EHBP1: variants seen among roughly 807,000 people sequenced by gnomAD.
EHBP1 encodes EH domain-binding protein 1.
In EHBP1, 55 loss-of-function variants were observed where a neutral mutation model predicts 144.0. The ratio of observed to expected loss-of-function variants is 0.38; its 90% CI spans 0.31 to 0.48. The LOEUF is 0.48. Among genes scored for constraint, EHBP1 ranks in the 20% least tolerant of loss-of-function variants. The probability of loss-of-function intolerance (pLI) is 0.98; values close to 1 mark genes in which losing one functional copy is unlikely to be tolerated. For synonymous variants in EHBP1, 469 were observed against 472.7 expected (o/e 0.99, Z 0.10); for missense variants, 1,200 against 1,364.2 (o/e 0.88, Z 1.90).
chr2:62,796,053 T>G (rs2043515578), intron 5 of EHBP1, among the ~76,000 whole-genome samples: 1 of 151,784 alleles, frequency 6.6e-6, no homozygotes, highest in Non-Finnish European at 1.5e-5. Flanking sequence ...CTAATAAACC[T>G]CTTTAATATA....
rs2055018383 is a variant in EHBP1 at position 62,920,825 on chromosome 2, G to A, written c.1186-21893G>A. ...TTACAGGCATATACCACCATGCCTG[G>A]CTAATTTTTGTGGGGTTTTTTTAAG... On this transcript the variant is annotated intron_variant, in intron 10 of 22. Transcript: ENST00000431489. Among the ~76,000 whole-genome samples the A allele has an allele frequency of 2.0e-5, 3 of 151,962 alleles. No individual in the cohort carries two copies. The South Asian group carries it at 6.2e-4, about 32-fold the overall frequency.
At chr2:62,684,027 T>C (rs186995050) in intron 1 of EHBP1, among the ~76,000 whole-genome samples, 106 of 152,238 alleles carry the variant, frequency 7.0e-4, no homozygotes, top group Admixed American at 1.3e-3. Flanking sequence ...GTTCTCAGAG[T>C]GGCCTGATCA....
chr2:62,714,295 G>A (rs974557030), intron 2 of EHBP1, among the ~76,000 whole-genome samples: 2 of 152,164 alleles, frequency 1.3e-5, no homozygotes, highest in Non-Finnish European at 2.9e-5. Flanking sequence ...TGCAGCTAGT[G>A]TTTAGGGAAT....
At chr2:62,994,492 G>A (rs897773530) in intron 18 of EHBP1, among the ~76,000 whole-genome samples, 1 of 152,056 alleles carries the variant, frequency 6.6e-6, no homozygotes, top group African/African-American at 2.4e-5. Flanking sequence ...AGCTCAGTAG[G>A]GGTATGGGCT....
intron 4 of EHBP1, among the ~76,000 whole-genome samples, chr2:62,768,330 G>C (rs894873985): frequency 6.6e-6 from 1 of 151,984 alleles, no homozygotes; most frequent in African/African-American, 2.4e-5. Flanking sequence ...ATGATGAAGA[G>C]GCTGTTACCA....
chr2:62,993,024 A>C (rs528172235), intron 16 of EHBP1, among the ~76,000 whole-genome samples: 5 of 152,284 alleles, frequency 3.3e-5, no homozygotes, highest in African/African-American at 1.2e-4. Flanking sequence ...TAACATAGGA[A>C]GCTCCGGAAA....
intron 8 of EHBP1, among the ~76,000 whole-genome samples, chr2:62,860,085 C>G (rs955669281): frequency 2.6e-5 from 4 of 152,124 alleles, no homozygotes; most frequent in Non-Finnish European, 5.9e-5. Context: ...TCTCCTCTTC[C>G]TTTACCTTCT....
intron 5 of EHBP1, among the ~76,000 whole-genome samples, chr2:62,817,101 A>C (rs576347848): frequency 1.5e-3 from 229 of 152,360 alleles, no homozygotes; most frequent in Non-Finnish European, 2.9e-3. Context: ...ATTACACTTC[A>C]TTCACTTAAG....
chr2:62,803,310 G>A (rs932630540), intron 5 of EHBP1, among the ~76,000 whole-genome samples: 3 of 151,838 alleles, frequency 2.0e-5, no homozygotes, highest in Admixed American at 2.0e-4. Context: ...GAATGGAACT[G>A]TTCAGTCAAA....
intron 5 of EHBP1, among the ~76,000 whole-genome samples, chr2:62,795,670 T>G (rs1028114071): frequency 6.6e-6 from 1 of 152,104 alleles, no homozygotes; most frequent in Admixed American, 6.6e-5. Context: ...TGTATTAAAA[T>G]TGAATAAATC....
intron 19 of EHBP1, among the ~76,000 whole-genome samples, chr2:63,002,224 C>A (rs1437278794): frequency 6.6e-6 from 1 of 152,036 alleles, no homozygotes; most frequent in Non-Finnish European, 1.5e-5. Flanking sequence ...CTTAGGAATA[C>A]CCGAAAATGT....
At chr2:63,033,419 G>A (rs1262709412) in intron 19 of EHBP1, among the ~76,000 whole-genome samples, 1 of 152,082 alleles carries the variant, frequency 6.6e-6, no homozygotes, top group Admixed American at 6.6e-5. Flanking sequence ...ATGATTTCAT[G>A]GTAGAAAATC....
rs369890917 is a variant in EHBP1, at chr2:62,803,724, C to G, written c.313-22363C>G. 5.0e-4 allele frequency among the ~76,000 whole-genome samples: 76 copies of G among 152,162 alleles called. 1 individual carries two copies. The highest frequency in any genetic ancestry group is 1.6e-3 in the African/African-American group (66 of 41,500). ...TTATATATCTTGCAGATATTTTCAC[C>G]CTGTCATTTTTTCAGCATTGCAAAT... On this transcript the variant is annotated intron_variant, in intron 5 of 22. Coordinates refer to ENST00000431489, the MANE Select transcript of EHBP1 (RefSeq NM_001142616.3).
intron 19 of EHBP1, among the ~76,000 whole-genome samples, chr2:63,005,424 C>T (rs1174363386): frequency 6.6e-6 from 1 of 152,060 alleles, no homozygotes; most frequent in Non-Finnish European, 1.5e-5. Context: ...GAAGTGTTAC[C>T]TTCCTGCCTG....
At chr2:62,788,894 A>G (rs1406285780) in intron 5 of EHBP1, among the ~76,000 whole-genome samples, 2 of 152,246 alleles carry the variant, frequency 1.3e-5, no homozygotes, top group African/African-American at 2.4e-5. Flanking sequence ...CTGTGCATGA[A>G]TAATTCTGTG....
chr2:62,959,180 C>T (rs909510509), intron 14 of EHBP1, among the ~76,000 whole-genome samples: 1 of 152,176 alleles, frequency 6.6e-6, no homozygotes, highest in African/African-American at 2.4e-5. Context: ...CATCAAGGCT[C>T]ATCTATGTTG....
chr2:62,684,891 A>G (rs953879210), intron 1 of EHBP1, among the ~76,000 whole-genome samples: 4 of 152,220 alleles, frequency 2.6e-5, no homozygotes, highest in Non-Finnish European at 5.9e-5. Flanking sequence ...TGACTTACAC[A>G]GTGAAATTTG....
At chr2:62,808,031 C>T (rs561455973) in intron 5 of EHBP1, among the ~76,000 whole-genome samples, 3 of 149,378 alleles carry the variant, frequency 2.0e-5, no homozygotes, top group East Asian at 2.0e-4. Context: ...CCAACCTGGC[C>T]GACAAAGTGA....
At chr2:62,781,996 T>G (rs997093440) in intron 5 of EHBP1, among the ~76,000 whole-genome samples, 1 of 152,208 alleles carries the variant, frequency 6.6e-6, no homozygotes, top group African/African-American at 2.4e-5. Context: ...ATAATTTTAC[T>G]CAGTGAGATT....
Sources: allele counts gnomAD v4.1 joint callset (sites outside exome capture counted in the v4.1 genomes callset), GRCh38; gene constraint gnomAD v4.1.1; transcripts MANE v1.5; gene names NCBI Gene and HGNC (gene_info 2026-07-23, HGNC 2026-07-21).